ACYP2: variants seen among roughly 807,000 people sequenced by gnomAD.
ACYP2 encodes the protein acylphosphatase-2.
Under a neutral mutation model 11.2 loss-of-function variants are expected in ACYP2, and 12 were observed. The observed-to-expected ratio is 1.08, with a 90% CI of 0.69 to 1.74. ACYP2 has a LOEUF of 1.74. ACYP2 is among the 40% of genes most tolerant of loss of function. The pLI is 0.00. For missense variants in ACYP2, 134 were observed against 101.9 expected (o/e 1.31, Z -1.35); for synonymous variants, 43 against 32.2 (o/e 1.33, Z -1.13).
At chr2:53,986,118 C>T (rs939837056) in intron 2 of ACYP2, among the ~76,000 whole-genome samples, 7 of 151,796 alleles carry the variant, frequency 4.6e-5, no homozygotes, top group Non-Finnish European at 1.0e-4. Context: ...CAGAGTGAGA[C>T]TCCATCTCAA....
intron 2 of ACYP2, among the ~76,000 whole-genome samples, chr2:54,032,487 C>G (rs1263264494): frequency 6.6e-6 from 1 of 152,118 alleles, no homozygotes; most frequent in Non-Finnish European, 1.5e-5. Flanking sequence ...TGGTCTATAT[C>G]TCTGTTTTGG....
intron 6 of ACYP2, among the ~76,000 whole-genome samples, chr2:54,158,180 C>G (rs1682520547): frequency 6.7e-6 from 1 of 149,364 alleles, no homozygotes; most frequent in African/African-American, 2.5e-5. Flanking sequence ...CACCCACCAC[C>G]ACGCCCAGTT....
chr2:54,141,860 A>G, intron 6 of ACYP2: 1 of 610,622 alleles, frequency 1.6e-6, no homozygotes. Context: ...TTTTTGAGAC[A>G]AGGGTCTTGC....
chr2:54,013,401 A>C lies in ACYP2; in HGVS notation c.63-37557A>C, dbSNP rs62140981. Among the ~76,000 whole-genome samples, 804 of 151,066 alleles carry C rather than the reference A, an allele frequency of 5.3e-3. 3 individuals are homozygous for C. Among genetic ancestry groups the C allele is most frequent in the South Asian group, 0.022 (107 of 4,766 alleles). On this transcript the variant is annotated intron_variant, in intron 2 of 6. Transcript: ENST00000607452. ...CTGCAACCTGTGCCTGCCAGGTCCAACCGATTCTTCTGCCTCAGCCTCCCA... is the reference window on the plus strand; with the variant it reads ...CTGCAACCTGTGCCTGCCAGGTCCACCCGATTCTTCTGCCTCAGCCTCCCA...
chr2:54,250,546 C>A (rs1049537500), intron 6 of ACYP2, among the ~76,000 whole-genome samples: 37 of 152,074 alleles, frequency 2.4e-4, no homozygotes, highest in Non-Finnish European at 4.1e-4. Context: ...GAAAATTGTG[C>A]CACTGGAAAA....
chr2:54,137,588 C>A (rs1305882518), intron 5 of ACYP2, among the ~76,000 whole-genome samples: 2 of 152,168 alleles, frequency 1.3e-5, no homozygotes, highest in Admixed American at 6.6e-5. Context: ...CAGCTCCATT[C>A]ATGTTCCTTC....
intron 6 of ACYP2, among the ~76,000 whole-genome samples, chr2:54,284,587 T>G (rs1688998473): frequency 1.3e-5 from 2 of 151,412 alleles, no homozygotes; most frequent in South Asian, 2.1e-4. Context: ...CATCATCACC[T>G]TTTTTTTTAT....
In ACYP2 at chr2:54,204,669, T is replaced by C. The variant is rs75023209; in HGVS notation, c.404+65921T>C. Among the ~76,000 whole-genome samples the C allele has an allele frequency of 7.7e-3, 1,180 of 152,294 alleles. 15 individuals are homozygous for C. Among genetic ancestry groups the C allele is most frequent in the African/African-American group, 0.027 (1,137 of 41,568 alleles). ...AAGAATGTGTCTTTTATTTCCCTTA[T>C]AACTGCCTGGCATTCGGTGAGCTCC... On this transcript the variant is annotated intron_variant, in intron 6 of 6. Coordinates refer to ENST00000607452, the MANE Select transcript of ACYP2 (RefSeq NM_001320586.2).
At position 54,138,688 on chromosome 2, in the gene ACYP2, A is replaced by T; in HGVS notation, c.344A>T (p.Asn115Ile). ...ATAGGAGTGGTTGGCTGGGTGAAGA[A>T]TACCAGCAAAGGCACCGTGACAGGC... is the stretch of plus-strand genomic sequence containing the variant. The change falls in exon 6 of 7, where the codon AAT (asparagine) becomes ATT (isoleucine). Residue 115 changes from asparagine (N) to isoleucine (I), a missense_variant. By Grantham distance (149) the Asn-to-Ile change is moderately radical. Transcript: ENST00000607452. 6.2e-7 allele frequency: 1 copy of T among 1,614,142 alleles called. No individual in the cohort carries two copies. Among genetic ancestry groups the T allele is most frequent in the Non-Finnish European group, 8.5e-7 (1 of 1,179,976 alleles).
intron 6 of ACYP2, among the ~76,000 whole-genome samples, chr2:54,204,018 G>A (rs952743536): frequency 1.3e-5 from 2 of 151,956 alleles, no homozygotes; most frequent in Admixed American, 6.6e-5. Context: ...TTTTTAAGAC[G>A]GAGTCTCGCT....
intron 2 of ACYP2, among the ~76,000 whole-genome samples, chr2:54,017,172 C>A (rs1171196137): frequency 6.6e-6 from 1 of 152,182 alleles, no homozygotes; most frequent in Admixed American, 6.5e-5. Context: ...GGGCCCTTAT[C>A]ACATCCATGA....
chr2:54,205,743 A>G lies in ACYP2; in HGVS notation c.404+66995A>G, dbSNP rs913275942. On this transcript the variant is annotated intron_variant, in intron 6 of 6. Coordinates refer to ENST00000607452, the MANE Select transcript of ACYP2 (RefSeq NM_001320586.2). ...CTTTTCTGAAATACTCCTCCCCTCT[A>G]CCCCTCTGAAGTTCAACTTTCTTCT... 4.6e-5 allele frequency among the ~76,000 whole-genome samples: 7 copies of G among 152,082 alleles called. No homozygotes were observed. In the East Asian group the frequency reaches 1.2e-3, roughly 25 times the overall value.
intron 6 of ACYP2, among the ~76,000 whole-genome samples, chr2:54,169,625 A>G (rs1683145032): frequency 6.6e-6 from 1 of 152,190 alleles, no homozygotes. Flanking sequence ...AGCCATATCC[A>G]TGTACTCTAG....
At position 54,115,878 on chromosome 2, in the gene ACYP2, C is replaced by T. The variant is rs948210163; in HGVS notation, c.278-19575C>T. ...GTTGTGGCTGGGACTTCCGCTCCGC[C>T]ATGACACAGCAGCGGCGGCGGGGAG... is the stretch of plus-strand genomic sequence containing the variant. On this transcript the variant is annotated intron_variant, in intron 4 of 6. Coordinates refer to ENST00000607452, the MANE Select transcript of ACYP2 (RefSeq NM_001320586.2). The T allele has an allele frequency of 4.1e-6, 5 of 1,230,940 alleles. No individual in the cohort carries two copies. The African/African-American group carries it at 5.6e-5, about 14-fold the overall frequency. The allele number at this position is 1,230,940 out of a possible 1,614,324, so 76.3% of individuals were successfully genotyped here. A position where few individuals can be genotyped will look rare whatever the true frequency, so the allele number is the denominator to read the frequency against.
In ACYP2 at chr2:54,111,288, C is replaced by T. The variant is rs564070683; in HGVS notation, c.278-24165C>T. ...GTCAGCTTTGAATATTCACCATTCCCAGAGAGCCTAAATGGATTTCAAAAG... is the reference window on the plus strand; with the variant it reads ...GTCAGCTTTGAATATTCACCATTCCTAGAGAGCCTAAATGGATTTCAAAAG... On this transcript the variant is annotated intron_variant, in intron 4 of 6. Transcript: ENST00000607452. Among the ~76,000 whole-genome samples the T allele has an allele frequency of 5.9e-5, 9 of 152,070 alleles. No individual in the cohort carries two copies. The South Asian group carries it at 1.7e-3, about 28-fold the overall frequency.
At chr2:54,206,190 G>A (rs1215146) in intron 6 of ACYP2, among the ~76,000 whole-genome samples, 36,648 of 152,000 alleles carry the variant, frequency 0.24, 4,792 homozygotes, top group South Asian at 0.4. Context: ...TAATTCCCCT[G>A]TCCTTGAAGA....
intron 4 of ACYP2, chr2:54,123,371 G>A (rs924520320): frequency 2.5e-5 from 10 of 398,464 alleles, no homozygotes; most frequent in African/African-American, 4.1e-5. Context: ...TGTACGGTAA[G>A]CAAAATTGGA....
At chr2:54,218,754 C>T (rs1288009381) in intron 6 of ACYP2, among the ~76,000 whole-genome samples, 4 of 152,042 alleles carry the variant, frequency 2.6e-5, no homozygotes, top group Admixed American at 2.0e-4. Context: ...AGCTTTTGTC[C>T]TTGAGATCAC....
chr2:54,296,846 T>C (rs921275197), intron 6 of ACYP2, among the ~76,000 whole-genome samples: 2 of 152,224 alleles, frequency 1.3e-5, no homozygotes, highest in African/African-American at 4.8e-5. Flanking sequence ...TTTTACTAGA[T>C]GAACCTTCTT....
Sources: allele counts gnomAD v4.1 joint callset (sites outside exome capture counted in the v4.1 genomes callset), GRCh38; gene constraint gnomAD v4.1.1; transcripts MANE v1.5; gene names NCBI Gene and HGNC (gene_info 2026-07-23, HGNC 2026-07-21).